The following NOL10 variants were observed in gnomAD, a reference collection of about 807,000 sequenced individuals.
NOL10 encodes the protein nucleolar protein 10.
NOL10 carries 58 observed loss-of-function variants against 103.5 expected under a neutral mutation model. That is an observed-to-expected ratio of 0.56 (90% confidence interval 0.45 to 0.70). NOL10 has a LOEUF of 0.70. Among genes scored for constraint, NOL10 ranks in the 30% least tolerant of loss-of-function variants. NOL10 has a pLI of 0.00. For missense variants in NOL10, 763 were observed against 807.3 expected, an observed-to-expected ratio of 0.95 and a Z score of 0.67; for synonymous variants, 287 against 282.5, an observed-to-expected ratio of 1.02 and a Z score of -0.16.
At chr2:10,634,660 AAAG>A in intron 13 of NOL10, 3 of 454,866 alleles carry the variant, frequency 6.6e-6, no homozygotes, top group South Asian at 3.1e-5. Flanking sequence ...GAATATAAAT[AAAG>A]AAGAGACAAG....
intron 8 of NOL10, among the ~76,000 whole-genome samples, chr2:10,664,650 T>C (rs996699629): frequency 1.3e-5 from 2 of 152,158 alleles, no homozygotes; most frequent in African/African-American, 4.8e-5. Flanking sequence ...ATCCATCCTC[T>C]CACCTCAGCT....
At chr2:10,664,641 T>A (rs1410885899) in intron 8 of NOL10, among the ~76,000 whole-genome samples, 1 of 152,142 alleles carries the variant, frequency 6.6e-6, no homozygotes, top group Non-Finnish European at 1.5e-5. Context: ...GTAGGCTCAA[T>A]CCATCCTCTC....
At position 10,689,906 on chromosome 2, in the gene NOL10, C is replaced by T. The variant is rs762785726; in HGVS notation, c.-45G>A. The stretch of plus-strand genomic sequence containing the variant: ...CAAGTCCCGGGTCCTTTCCCACCAG[C>T]GTGCTCGAGCACCGTAATCCCGGGA... On this transcript the variant is annotated 5_prime_UTR_variant, in exon 1 of 21. Coordinates refer to ENST00000381685, the MANE Select transcript of NOL10 (RefSeq NM_024894.4). 3.9e-6 allele frequency: 6 copies of T among 1,556,368 alleles called. No individual in the cohort carries two copies. In the African/African-American group the frequency reaches 4.1e-5, roughly 11 times the overall value.
chr2:10,626,764 TC>T (rs1558300798), intron 13 of NOL10, among the ~76,000 whole-genome samples: 1 of 151,870 alleles, frequency 6.6e-6, no homozygotes, highest in Non-Finnish European at 1.5e-5. Flanking sequence ...TAGGAAGTTG[TC>T]ATTTATTTTC....
chr2:10,657,670 A>G, intron 11 of NOL10, 72 bp downstream of exon 11: 1 of 1,320,794 alleles, frequency 7.6e-7, no homozygotes, highest in Non-Finnish European at 1.0e-6. Flanking sequence ...ATAAAAAAGG[A>G]AAGGGAGAGG....
At chr2:10,661,910 A>C (rs1680233997) in intron 9 of NOL10, among the ~76,000 whole-genome samples, 1 of 150,446 alleles carries the variant, frequency 6.6e-6, no homozygotes, top group African/African-American at 2.5e-5. Flanking sequence ...GCAAATCGGA[A>C]AAAAAAAAAC....
chr2:10,684,428 G>T (rs947722207), intron 2 of NOL10, 139 bp downstream of exon 2: 3 of 691,490 alleles, frequency 4.3e-6, no homozygotes, highest in Non-Finnish European at 7.1e-6. Flanking sequence ...GGAAAAAAAA[G>T]AAAAGGGACA....
chr2:10,609,199 A>G (rs769548485), intron 13 of NOL10, among the ~76,000 whole-genome samples: 40 of 151,550 alleles, frequency 2.6e-4, no homozygotes, highest in Non-Finnish European at 5.3e-4. Context: ...TACACACACA[A>G]TGTGTGTGCA....
chr2:10,619,185 C>T (rs1045339783), intron 13 of NOL10, among the ~76,000 whole-genome samples: 11 of 152,060 alleles, frequency 7.2e-5, no homozygotes, highest in African/African-American at 2.4e-4. Flanking sequence ...CTTGTTCTGT[C>T]ACCCAGGCTG....
intron 1 of NOL10, 113 bp downstream of exon 1, chr2:10,689,683 G>T: frequency 9.3e-7 from 1 of 1,077,926 alleles, no homozygotes; most frequent in Non-Finnish European, 1.4e-6. Context: ...CCGAGTCGGG[G>T]GGTGACCAGC....
chr2:10,587,208 T>C (rs1265100491), intron 19 of NOL10, among the ~76,000 whole-genome samples: 6 of 37,592 alleles, frequency 1.6e-4, no homozygotes, highest in African/African-American at 5.3e-4. Flanking sequence ...TATATACACA[T>C]ATATATATAC....
At chr2:10,598,194 G>T (rs147586676) in intron 17 of NOL10, among the ~76,000 whole-genome samples, 1 of 152,210 alleles carries the variant, frequency 6.6e-6, no homozygotes, top group Non-Finnish European at 1.5e-5. Flanking sequence ...AAATCCCTAC[G>T]TAAATAATGG....
At chr2:10,619,994 A>T (rs961888149) in intron 13 of NOL10, among the ~76,000 whole-genome samples, 1 of 152,218 alleles carries the variant, frequency 6.6e-6, no homozygotes, top group African/African-American at 2.4e-5. Context: ...CCACATGCAC[A>T]CGCACACATG....
intron 8 of NOL10, 42 bp downstream of exon 8, chr2:10,667,176 A>G: frequency 1.4e-6 from 2 of 1,438,204 alleles, no homozygotes; most frequent in Non-Finnish European, 1.9e-6. Flanking sequence ...CCAATCAAAT[A>G]TAAAACAAAT....
intron 3 of NOL10, among the ~76,000 whole-genome samples, chr2:10,679,162 C>G (rs1485681757): frequency 6.6e-6 from 1 of 151,938 alleles, no homozygotes; most frequent in Non-Finnish European, 1.5e-5. Flanking sequence ...GAGTTCAAGA[C>G]CAGCCTGACC....
chr2:10,628,950 A>G (rs1677658802), intron 13 of NOL10, among the ~76,000 whole-genome samples: 1 of 152,160 alleles, frequency 6.6e-6, no homozygotes, highest in African/African-American at 2.4e-5. Context: ...GCCTTAGGGA[A>G]TTAGGAACAC....
intron 13 of NOL10, among the ~76,000 whole-genome samples, chr2:10,639,991 G>T (rs1174630362): frequency 6.6e-6 from 1 of 151,954 alleles, no homozygotes; most frequent in Non-Finnish European, 1.5e-5. Flanking sequence ...AGTTTATAAA[G>T]ATTTCAATTA....
intron 13 of NOL10, among the ~76,000 whole-genome samples, chr2:10,630,321 C>T (rs75010639): frequency 0.011 from 1,709 of 152,270 alleles, 10 homozygotes; most frequent in Non-Finnish European, 0.016. Flanking sequence ...AAACTCGGGT[C>T]CAACCAATTC....
chr2:10,679,011 C>T (rs1463931096), intron 3 of NOL10, among the ~76,000 whole-genome samples: 1 of 152,020 alleles, frequency 6.6e-6, no homozygotes, highest in East Asian at 1.9e-4. Context: ...CTGCTTGAGT[C>T]CAGGAGTTTG....
Sources: allele counts gnomAD v4.1 joint callset (sites outside exome capture counted in the v4.1 genomes callset), GRCh38; gene constraint gnomAD v4.1.1; transcripts MANE v1.5; gene names NCBI Gene and HGNC (gene_info 2026-07-23, HGNC 2026-07-21).